TENM3: variants seen among roughly 807,000 people sequenced by gnomAD.
TENM3 encodes teneurin transmembrane protein 3.
TENM3 carries 63 observed loss-of-function variants against 255.1 expected under a neutral mutation model. The observed-to-expected ratio is 0.25, with a 90% confidence interval of 0.20 to 0.30. The LOEUF (loss-of-function observed/expected upper bound fraction) is 0.30, where lower values mean the gene tolerates loss of function less well. TENM3 is among the 10% of genes least tolerant of loss of function. The probability of loss-of-function intolerance (pLI) is 1.00; values close to 1 mark genes in which losing one functional copy is unlikely to be tolerated. For missense variants in TENM3, 2,929 were observed against 3,461.1 expected, an observed-to-expected ratio of 0.85 and a Z score of 3.86; for synonymous variants, 1,306 against 1,322.3, an observed-to-expected ratio of 0.99 and a Z score of 0.27.
intron 1 of TENM3, among the ~76,000 whole-genome samples, chr4:182,249,093 A>G (rs1757832630): frequency 6.6e-6 from 1 of 152,214 alleles, no homozygotes; most frequent in Non-Finnish European, 1.5e-5. Flanking sequence ...AGAAATTAAG[A>G]CACAGACAGA....
intron 6 of TENM3, among the ~76,000 whole-genome samples, chr4:182,656,355 C>G (rs1476572484): frequency 6.6e-6 from 1 of 152,140 alleles, no homozygotes; most frequent in Non-Finnish European, 1.5e-5. Context: ...CCCCAAAACC[C>G]TAAATTGTAA....
At position 182,802,690 on chromosome 4, in the gene TENM3, C is replaced by T. The variant is rs1344720842; in HGVS notation, c.*2339C>T. On this transcript the variant is annotated 3_prime_UTR_variant, in exon 28 of 28. Coordinates refer to ENST00000511685, the MANE Select transcript of TENM3 (RefSeq NM_001080477.4). ...GTGTCCTGTTAGTAGGTATAATGAG[C>T]CTATTTCTTTCTAAAAAGACTTGTG... The T allele has an allele frequency of 2.0e-5, 3 of 152,220 alleles. No homozygotes were observed. Among genetic ancestry groups the T allele is most frequent in the Non-Finnish European group, 4.4e-5 (3 of 68,006 alleles). The allele number at this position is 152,220 out of a possible 1,614,324, so 9.4% of individuals were successfully genotyped here. A position where few individuals can be genotyped will look rare whatever the true frequency, so the allele number is the denominator to read the frequency against.
chr4:182,507,012 CT>C (rs1295115774), intron 3 of TENM3, among the ~76,000 whole-genome samples: 2 of 152,130 alleles, frequency 1.3e-5, no homozygotes, highest in African/African-American at 4.8e-5. Flanking sequence ...CGTGAAGCCT[CT>C]TTTGAAGTCA....
the TENM3 span, among the ~76,000 whole-genome samples, chr4:181,571,251 T>A: frequency 6.6e-6 from 1 of 152,192 alleles, no homozygotes; most frequent in Non-Finnish European, 1.5e-5. Context: ...ACTACATCCG[T>A]TTCCTAGATA....
At position 182,323,931 on chromosome 4, in the gene TENM3, C is replaced by T. The variant is rs915652678; in HGVS notation, c.-75-15C>T. The T allele has an allele frequency of 8.8e-7, 1 of 1,137,838 alleles. No individual in the cohort carries two copies. Among genetic ancestry groups the T allele is most frequent in the African/African-American group, 1.5e-5 (1 of 65,228 alleles). 70.5% of individuals were successfully genotyped at this position (1,137,838 alleles called of 1,614,324 possible). On this transcript the variant is annotated splice_polypyrimidine_tract_variant and intron_variant, in intron 1 of 27. Transcript: ENST00000511685. Reference sequence around the variant, plus strand: ...AACGTCATGCTGACCTCATGCAAACCTTGTATCTTCACAGAGAGGCCAATG... The same window carrying T: ...AACGTCATGCTGACCTCATGCAAACTTTGTATCTTCACAGAGAGGCCAATG...
chr4:182,564,032 T>C (rs1743499637), intron 3 of TENM3, among the ~76,000 whole-genome samples: 1 of 152,166 alleles, frequency 6.6e-6, no homozygotes, highest in Non-Finnish European at 1.5e-5. Context: ...TACTAAAACA[T>C]TGCTTGGATC....
At chr4:181,524,247 A>G in the TENM3 span, among the ~76,000 whole-genome samples, 1 of 152,198 alleles carries the variant, frequency 6.6e-6, no homozygotes, top group Non-Finnish European at 1.5e-5. Context: ...TGACTCACCA[A>G]TTTCTCACAA....
chr4:182,188,507 T>A (rs1753310946), intron 1 of TENM3, among the ~76,000 whole-genome samples: 1 of 152,176 alleles, frequency 6.6e-6, no homozygotes, highest in Non-Finnish European at 1.5e-5. Flanking sequence ...TTGCAAAGAC[T>A]AGGTTGAAGT....
chr4:181,613,720 C>T, the TENM3 span, among the ~76,000 whole-genome samples: 13,947 of 152,206 alleles, frequency 0.092, 746 homozygotes, highest in African/African-American at 0.14. Flanking sequence ...TTGATTTATT[C>T]AGATAAACCA....
At chr4:182,653,570 C>A (rs1753509470) in intron 5 of TENM3, among the ~76,000 whole-genome samples, 1 of 152,168 alleles carries the variant, frequency 6.6e-6, no homozygotes, top group Admixed American at 6.5e-5. Flanking sequence ...GAAGTGCCAC[C>A]ATATTGCCCT....
rs141358989 is a variant in TENM3, at chr4:182,293,940, T to TCGA, written c.-75-30004_-75-30002dup. On this transcript the variant is annotated intron_variant, in intron 1 of 27. Transcript: ENST00000511685. ...AGAGGAGCTTGTTAACCCAAATGCC[T>TCGA]CGACAATGACAATTAGTGGCATGTG... Among the ~76,000 whole-genome samples the TCGA allele has an allele frequency of 6.8e-3, 1,042 of 152,292 alleles. 12 individuals are homozygous for TCGA. Among genetic ancestry groups the TCGA allele is most frequent in the African/African-American group, 0.023 (974 of 41,566 alleles).
chr4:182,580,685 C>T (rs1326151083), intron 3 of TENM3, among the ~76,000 whole-genome samples: 1 of 152,206 alleles, frequency 6.6e-6, no homozygotes, highest in Non-Finnish European at 1.5e-5. Flanking sequence ...TGGCAGGTAT[C>T]ATAGCCCCTT....
At chr4:182,414,843 A>C in intron 3 of TENM3, among the ~76,000 whole-genome samples, 1 of 152,224 alleles carries the variant, frequency 6.6e-6, no homozygotes, top group East Asian at 1.9e-4. Flanking sequence ...ACACAAAGAT[A>C]AATGTAGATA....
intron 2 of TENM3, among the ~76,000 whole-genome samples, chr4:182,339,494 C>G (rs949767642): frequency 6.6e-6 from 1 of 152,198 alleles, no homozygotes; most frequent in African/African-American, 2.4e-5. Flanking sequence ...TTCTTTCAGG[C>G]TCGGCAGCCA....
At chr4:182,358,962 A>G (rs995900018) in intron 3 of TENM3, among the ~76,000 whole-genome samples, 4 of 151,938 alleles carry the variant, frequency 2.6e-5, no homozygotes, top group Non-Finnish European at 5.9e-5. Context: ...CCTTTCCTGC[A>G]TCTATTGAGA....
chr4:182,750,979 G>T (rs1001408407), intron 19 of TENM3, among the ~76,000 whole-genome samples: 53 of 152,144 alleles, frequency 3.5e-4, no homozygotes, highest in Admixed American at 4.6e-4. Flanking sequence ...GTCATAATTT[G>T]TCCCCTCCTT....
chr4:182,576,884 A>G (rs1189933756), intron 3 of TENM3, among the ~76,000 whole-genome samples: 2 of 152,196 alleles, frequency 1.3e-5, no homozygotes, highest in Non-Finnish European at 2.9e-5. Context: ...TCTTTGGCTA[A>G]TAGGATAATA....
chr4:181,721,581 CAG>C, the TENM3 span, among the ~76,000 whole-genome samples: 1 of 22,208 alleles, frequency 4.5e-5, no homozygotes, highest in African/African-American at 1.4e-4. Context: ...GCCTGGGCGA[CAG>C]AGCGAGACTC....
chr4:182,273,036 C>A (rs1179496243), intron 1 of TENM3, among the ~76,000 whole-genome samples: 2 of 152,072 alleles, frequency 1.3e-5, no homozygotes, highest in Admixed American at 1.3e-4. Context: ...AGGAGAGGAG[C>A]GTAACCAGGT....
Sources: allele counts gnomAD v4.1 joint callset (sites outside exome capture counted in the v4.1 genomes callset), GRCh38; gene constraint gnomAD v4.1.1; transcripts MANE v1.5; gene names NCBI Gene and HGNC (gene_info 2026-07-23, HGNC 2026-07-21).